Variants in KCNT2 observed in about 807,000 individuals in gnomAD.
KCNT2 encodes the protein potassium channel subfamily T member 2.
Under a neutral mutation model 153.8 loss-of-function variants are expected in KCNT2, and 67 were observed. The observed-to-expected ratio is 0.44, with a 90% CI of 0.36 to 0.53. The LOEUF (loss-of-function observed/expected upper bound fraction) is 0.53, where lower values mean the gene tolerates loss of function less well. Ranked by LOEUF, KCNT2 falls within the 20% of genes least tolerant of loss-of-function variation. KCNT2 has a pLI of 0.00. For missense variants in KCNT2, 975 were observed against 1,354.8 expected (o/e 0.72, Z 4.40); for synonymous variants, 500 against 458.8 (o/e 1.09, Z -1.15).
chr1:196,334,297 T>G (rs1664778036), intron 16 of KCNT2, among the ~76,000 whole-genome samples: 1 of 151,920 alleles, frequency 6.6e-6, no homozygotes, highest in Admixed American at 6.6e-5. Context: ...CAGAGTGTTG[T>G]TCTATGGCAC....
chr1:196,401,044 CAA>C (rs1231785407), intron 12 of KCNT2, among the ~76,000 whole-genome samples: 1 of 151,734 alleles, frequency 6.6e-6, no homozygotes, highest in Non-Finnish European at 1.5e-5. Flanking sequence ...GGAGAGGCAA[CAA>C]AGAGAAACCA....
At chr1:196,333,203 G>T (rs1241396262) in intron 17 of KCNT2, among the ~76,000 whole-genome samples, 1 of 151,570 alleles carries the variant, frequency 6.6e-6, no homozygotes, top group Non-Finnish European at 1.5e-5. Context: ...AGTCAAGCCT[G>T]TGGACTGCTG....
intron 12 of KCNT2, among the ~76,000 whole-genome samples, chr1:196,419,661 C>A (rs1673039737): frequency 6.6e-6 from 1 of 151,884 alleles, no homozygotes; most frequent in Admixed American, 6.6e-5. Flanking sequence ...TGCCAGGATA[C>A]AAAATTCTAA....
intron 10 of KCNT2, among the ~76,000 whole-genome samples, chr1:196,427,459 A>G (rs1347780352): frequency 1.3e-5 from 2 of 152,078 alleles, no homozygotes; most frequent in Admixed American, 6.6e-5. Context: ...TCAACAGACT[A>G]AGTGCAGTAA....
chr1:196,604,783 C>T lies in KCNT2; in HGVS notation c.95+3432G>A, dbSNP rs113242582. Among the ~76,000 whole-genome samples, 234 of 151,568 alleles carry T rather than the reference C, an allele frequency of 1.5e-3. 2 individuals carry two copies. Among genetic ancestry groups the T allele is most frequent in the African/African-American group, 5.4e-3 (225 of 41,346 alleles). The stretch of plus-strand genomic sequence containing the variant: ...TTACATAATATACAATTTTAGCATA[C>T]AATATACAATATTTTATAATACATA... On this transcript the variant is annotated intron_variant, in intron 1 of 27. Coordinates refer to ENST00000294725, the MANE Select transcript of KCNT2 (RefSeq NM_198503.5).
intron 1 of KCNT2, among the ~76,000 whole-genome samples, chr1:196,568,154 G>C (rs1200479630): frequency 6.6e-6 from 1 of 152,128 alleles, no homozygotes; most frequent in Non-Finnish European, 1.5e-5. Context: ...CCAGAGACTA[G>C]TTTCATGAAA....
chr1:196,400,217 T>C (rs748904155), intron 12 of KCNT2, among the ~76,000 whole-genome samples: 25 of 151,732 alleles, frequency 1.6e-4, no homozygotes, highest in Non-Finnish European at 2.2e-4. Context: ...TATAGATAAC[T>C]TAATGGAGGA....
chr1:196,437,022 A>G (rs1381354522), intron 8 of KCNT2, among the ~76,000 whole-genome samples: 3 of 116,702 alleles, frequency 2.6e-5, no homozygotes, highest in Non-Finnish European at 3.4e-5. Flanking sequence ...ATATATTTAT[A>G]TACATAAATA....
chr1:196,345,973 G>C (rs917294310), intron 14 of KCNT2, among the ~76,000 whole-genome samples: 3 of 152,108 alleles, frequency 2.0e-5, no homozygotes, highest in South Asian at 2.1e-4. Context: ...CCTAGAAAAA[G>C]AGAGGAGATG....
chr1:196,233,792 A>G (rs1654167348), intron 27 of KCNT2, among the ~76,000 whole-genome samples: 1 of 151,508 alleles, frequency 6.6e-6, no homozygotes, highest in East Asian at 1.9e-4. Flanking sequence ...GTCAGTGTTA[A>G]GAGAAATAAG....
At chr1:196,603,141 A>T (rs1400967924) in intron 1 of KCNT2, among the ~76,000 whole-genome samples, 1 of 152,092 alleles carries the variant, frequency 6.6e-6, no homozygotes, top group Non-Finnish European at 1.5e-5. Flanking sequence ...CTATTGCCTT[A>T]TTTGTGGATA....
At chr1:196,253,155 TCTCTCCTTTTGG>T (rs1656135248) in intron 26 of KCNT2, among the ~76,000 whole-genome samples, 1 of 151,494 alleles carries the variant, frequency 6.6e-6, no homozygotes, top group Non-Finnish European at 1.5e-5. Context: ...TCCATTCTCT[TCTCTCCTTTTGG>T]AGTCCAGTTA....
intron 21 of KCNT2, 142 bp from the exon 22 acceptor site, chr1:196,305,487 T>G (rs999326033): frequency 1.8e-6 from 1 of 556,982 alleles, no homozygotes; most frequent in Non-Finnish European, 3.2e-6. Context: ...ACATAAAATC[T>G]TCTATACAAT....
intron 20 of KCNT2, among the ~76,000 whole-genome samples, chr1:196,316,523 C>T (rs568637321): frequency 8.6e-5 from 13 of 151,594 alleles, no homozygotes; most frequent in African/African-American, 3.1e-4. Flanking sequence ...TTTATTATTC[C>T]TTTATGTAAG....
At chr1:196,491,659 T>C (rs1418309019) in intron 2 of KCNT2, among the ~76,000 whole-genome samples, 1 of 152,068 alleles carries the variant, frequency 6.6e-6, no homozygotes, top group Non-Finnish European at 1.5e-5. Flanking sequence ...GGACAGTTAC[T>C]ATGCCAATTT....
intron 21 of KCNT2, among the ~76,000 whole-genome samples, chr1:196,315,607 G>A (rs972104651): frequency 6.6e-6 from 1 of 151,548 alleles, no homozygotes; most frequent in African/African-American, 2.4e-5. Context: ...CAAAACTCAT[G>A]ACTACTAGTA....
intron 1 of KCNT2, among the ~76,000 whole-genome samples, chr1:196,577,690 T>C (rs76800997): frequency 0.058 from 8,769 of 152,142 alleles, 394 homozygotes; most frequent in Non-Finnish European, 0.085. Context: ...AGAGCACTGG[T>C]TAGAGTCCTC....
rs115561295 is a variant in KCNT2, at chr1:196,274,664, T to C, written c.2910+6196A>G. Among the ~76,000 whole-genome samples, 695 of 152,016 alleles carry C rather than the reference T, an allele frequency of 4.6e-3. 4 individuals are homozygous for C. Among genetic ancestry groups the C allele is most frequent in the African/African-American group, 0.015 (629 of 41,558 alleles). On this transcript the variant is annotated intron_variant, in intron 25 of 27. Transcript: ENST00000294725. ...AATGTTTATTCCACTATGCACATTTTTGGAAGCTACAAGATTTATTCACTA... is the reference window on the plus strand; with the variant it reads ...AATGTTTATTCCACTATGCACATTTCTGGAAGCTACAAGATTTATTCACTA...
chr1:196,255,256 T>C (rs1304180205), intron 26 of KCNT2, among the ~76,000 whole-genome samples: 1 of 151,776 alleles, frequency 6.6e-6, no homozygotes, highest in Non-Finnish European at 1.5e-5. Context: ...ATTTGACAAT[T>C]ATAACTAACA....
Sources: allele counts gnomAD v4.1 joint callset (sites outside exome capture counted in the v4.1 genomes callset), GRCh38; gene constraint gnomAD v4.1.1; transcripts MANE v1.5; gene names NCBI Gene and HGNC (gene_info 2026-07-23, HGNC 2026-07-21).